The following ASPH variants were observed in gnomAD, a reference collection of about 807,000 sequenced individuals.
The protein encoded by ASPH is aspartyl/asparaginyl beta-hydroxylase.
A neutral mutation model predicts 118.4 loss-of-function variants in ASPH; 100 were observed. The observed-to-expected ratio is 0.84, with a 90% CI of 0.72 to 1.00. ASPH has a LOEUF of 1.00. ASPH is among the 50% of genes least tolerant of loss of function. The pLI, the probability that ASPH is intolerant of heterozygous loss-of-function variation, is 0.00. For missense variants in ASPH, 920 were observed against 919.5 expected (o/e 1.00, Z -0.01); for synonymous variants, 315 against 325.6 (o/e 0.97, Z 0.35).
chr8:61,638,255 T>C, intron 11 of ASPH, 67 bp downstream of exon 11: 1 of 1,539,380 alleles, frequency 6.5e-7, no homozygotes, highest in Non-Finnish European at 8.8e-7. Flanking sequence ...GTTCCACAGG[T>C]AGGAGTTTTA....
At chr8:61,685,638 A>G (rs949664849) in intron 1 of ASPH, among the ~76,000 whole-genome samples, 2 of 152,128 alleles carry the variant, frequency 1.3e-5, no homozygotes, top group African/African-American at 4.8e-5. Context: ...AGAAAAAATG[A>G]AATTCTTTGT....
intron 1 of ASPH, among the ~76,000 whole-genome samples, chr8:61,693,921 T>C (rs1007723235): frequency 6.6e-6 from 1 of 152,066 alleles, no homozygotes; most frequent in Non-Finnish European, 1.5e-5. Flanking sequence ...TGAACACAAG[T>C]ATCCCCCGCC....
intron 1 of ASPH, among the ~76,000 whole-genome samples, chr8:61,688,192 T>G (rs1012999605): frequency 1.3e-5 from 2 of 152,156 alleles, no homozygotes; most frequent in African/African-American, 4.8e-5. Flanking sequence ...GTCCCTATTT[T>G]CTAAGATCAG....
intron 15 of ASPH, 115 bp from the exon 16 acceptor site, chr8:61,576,973 G>A (rs948741148): frequency 9.3e-6 from 8 of 858,400 alleles, no homozygotes; most frequent in Non-Finnish European, 1.4e-5. Context: ...TCCATCCTGA[G>A]TGTAAAGATA....
chr8:61,708,202 T>A (rs985665429), intron 1 of ASPH, among the ~76,000 whole-genome samples: 2 of 152,166 alleles, frequency 1.3e-5, no homozygotes, highest in South Asian at 4.1e-4. Flanking sequence ...TTCAAATACA[T>A]ACAATTTTAA....
Position 61,557,958 on chromosome 8 carries a change from A to G in ASPH, c.1438-1936T>C, listed in dbSNP as rs200015402. Among the ~76,000 whole-genome samples the G allele has an allele frequency of 3.0e-3, 460 of 152,372 alleles. 1 individual carries two copies. The highest frequency in any genetic ancestry group is 4.8e-3 in the Non-Finnish European group (327 of 68,036). On this transcript the variant is annotated intron_variant, in intron 18 of 24. Transcript: ENST00000379454. The stretch of plus-strand genomic sequence containing the variant: ...AGCTACACAGATGACATTTCTGCCT[A>G]CTGCAGGCACACAGCCATTATCTCA...
At chr8:61,699,242 C>G (rs1260566647) in intron 1 of ASPH, among the ~76,000 whole-genome samples, 1 of 152,162 alleles carries the variant, frequency 6.6e-6, no homozygotes, top group Non-Finnish European at 1.5e-5. Context: ...CGGCCTTCAC[C>G]CTAACAGCAT....
chr8:61,553,474 A>T (rs78093896), intron 19 of ASPH, among the ~76,000 whole-genome samples: 13,422 of 152,246 alleles, frequency 0.088, 682 homozygotes, highest in Non-Finnish European at 0.12. Flanking sequence ...AAATCTGACC[A>T]TATGTCATCT....
chr8:61,611,785 G>A (rs928885144), intron 14 of ASPH, among the ~76,000 whole-genome samples: 9 of 152,180 alleles, frequency 5.9e-5, no homozygotes, highest in African/African-American at 2.2e-4. Context: ...TTTCTGACCA[G>A]ACTTTAAACA....
chr8:61,580,795 T>C (rs997324314), intron 15 of ASPH, among the ~76,000 whole-genome samples: 3 of 152,242 alleles, frequency 2.0e-5, no homozygotes, highest in African/African-American at 2.4e-5. Context: ...TGAGGAAACA[T>C]GATTGCATTT....
intron 21 of ASPH, among the ~76,000 whole-genome samples, chr8:61,546,503 C>A (rs1399622334): frequency 6.6e-6 from 1 of 152,144 alleles, no homozygotes; most frequent in Admixed American, 6.5e-5. Context: ...ATGTAGCCGA[C>A]CTATCAAGGA....
rs76077525 is a variant in ASPH, at chr8:61,515,946, T to C, written c.2126+1582A>G. Among the ~76,000 whole-genome samples, 181 of 152,326 alleles carry C rather than the reference T, an allele frequency of 1.2e-3. 1 individual carries two copies. The East Asian group carries it at 0.03, about 25-fold the overall frequency. On this transcript the variant is annotated intron_variant, in intron 24 of 24. Transcript: ENST00000379454. ...CTAATTGTTCTTCCCACTGTCCCCA[T>C]AGGATTCACCCATGGGTTCCACAGT...
Position 61,714,399 on chromosome 8 carries a change from C to A in ASPH, c.-28G>T. 6.8e-7 allele frequency: 1 copy of A among 1,471,686 alleles called. No homozygotes were observed. The allele number at this position is 1,471,686 out of a possible 1,614,324, so 91.2% of individuals were successfully genotyped here. On this transcript the variant is annotated 5_prime_UTR_variant, in exon 1 of 25. Coordinates refer to ENST00000379454, the MANE Select transcript of ASPH (RefSeq NM_004318.4). ...CACGGTCCGCGGGGGCTGGTGAGGG[C>A]TGGCGGACCTCCTTCAGTGCGCGGG... is the stretch of plus-strand genomic sequence containing the variant.
Position 61,648,236 on chromosome 8 carries a change from G to A in ASPH, c.491-1358C>T, listed in dbSNP as rs1046489770. On this transcript the variant is annotated intron_variant, in intron 5 of 24. Coordinates refer to ENST00000379454, the MANE Select transcript of ASPH (RefSeq NM_004318.4). Reference sequence around the variant, plus strand: ...AGGTGTCATTATCACCATTATTACAGTAATAACAACATTGTCATTTGTACT... The same window carrying A: ...AGGTGTCATTATCACCATTATTACAATAATAACAACATTGTCATTTGTACT... 2.0e-5 allele frequency among the ~76,000 whole-genome samples: 3 copies of A among 152,152 alleles called. No homozygotes were observed. In the East Asian group the frequency reaches 5.8e-4, roughly 29 times the overall value.
At chr8:61,628,324 T>C (rs972925145) in intron 13 of ASPH, 1 of 5,728 alleles carries the variant, frequency 1.7e-4, no homozygotes, top group South Asian at 3.2e-3. Context: ...CAAGCCCGGC[T>C]TTTTTTTTTT....
chr8:61,695,450 T>C (rs956182557), intron 1 of ASPH, among the ~76,000 whole-genome samples: 8 of 152,180 alleles, frequency 5.3e-5, no homozygotes, highest in Non-Finnish European at 8.8e-5. Flanking sequence ...CCATGGTCTT[T>C]CCTGTCTCGG....
At chr8:61,535,427 A>G (rs1819119014) in intron 21 of ASPH, among the ~76,000 whole-genome samples, 1 of 152,266 alleles carries the variant, frequency 6.6e-6, no homozygotes, top group Admixed American at 6.5e-5. Flanking sequence ...AAGCAAGATT[A>G]GGTTAGTAAC....
chr8:61,681,199 C>A (rs1451462141), intron 2 of ASPH, among the ~76,000 whole-genome samples, 163 bp from the exon 3 acceptor site: 9 of 151,678 alleles, frequency 5.9e-5, no homozygotes, highest in Non-Finnish European at 7.4e-5. Context: ...AATATCTTAC[C>A]TAAAAATAGC....
chr8:61,624,997 A>C, intron 13 of ASPH: 1 of 985,536 alleles, frequency 1.0e-6, no homozygotes. Flanking sequence ...ATAGTGATAA[A>C]AATATAGAAG....
Sources: gnomAD v4.1 joint callset for allele counts (sites outside exome capture counted in the v4.1 genomes callset) on GRCh38, gnomAD v4.1.1 for gene constraint, MANE v1.5 for transcripts, NCBI Gene and HGNC (gene_info 2026-07-23, HGNC 2026-07-21) for gene names.